PPP3CA: variants seen among roughly 807,000 people sequenced by gnomAD.
PPP3CA encodes protein phosphatase 3 catalytic subunit alpha.
PPP3CA carries 14 observed loss-of-function variants against 66.5 expected under a neutral mutation model. That is an observed-to-expected ratio of 0.21 (90% CI 0.14 to 0.33). The LOEUF (loss-of-function observed/expected upper bound fraction) is 0.33, where lower values mean the gene tolerates loss of function less well. Among genes scored for constraint, PPP3CA ranks in the 10% least tolerant of loss-of-function variants. PPP3CA has a pLI of 1.00. For synonymous variants in PPP3CA, 232 were observed against 226.2 expected, an observed-to-expected ratio of 1.03 and a Z score of -0.23; for missense variants, 317 against 639.5, an observed-to-expected ratio of 0.50 and a Z score of 5.44.
rs536066168 is a variant in PPP3CA, at chr4:101,091,186, T to C, written c.782+2590A>G. 1.2e-4 allele frequency among the ~76,000 whole-genome samples: 18 copies of C among 150,314 alleles called. No homozygotes were observed. The South Asian group carries it at 3.5e-3, about 29-fold the overall frequency. ...TGTTTGATATTATGTTACTGAAGTA[T>C]AACTCTGTGATATCAAGCAGGTAAT... On this transcript the variant is annotated intron_variant, in intron 6 of 13. Coordinates refer to ENST00000394854, the MANE Select transcript of PPP3CA (RefSeq NM_000944.5).
At chr4:101,179,145 CATCTCACTCTCATCGTAGAAA>C (rs1310824733) in intron 2 of PPP3CA, among the ~76,000 whole-genome samples, 4 of 152,010 alleles carry the variant, frequency 2.6e-5, no homozygotes, top group African/African-American at 7.2e-5. Context: ...CCCTCCATTT[CATCTCACTCTCATCGTAGAAA>C]ACAAAAGAGG....
chr4:101,093,808 G>A lies in PPP3CA; in HGVS notation c.750C>T (p.His250=), dbSNP rs1215105465. Residue 250 remains histidine (H), a synonymous_variant, in exon 6 of 14, where the codon CAC becomes CAT. Transcript: ENST00000394854. The stretch of plus-strand genomic sequence containing the variant: ...AGTATGAACACCCCCTGACTGTGTT[G>A]TGAGTGAAATGTTCCTGAGTCTTCT... ...GNEKTQEHFT[H]NTVRGCSYFY... 9 of 1,613,092 alleles carry A rather than the reference G, an allele frequency of 5.6e-6. No individual in the cohort carries two copies. The Admixed American group carries it at 1.5e-4, about 27-fold the overall frequency.
chr4:101,105,526 T>G (rs1427528346), intron 3 of PPP3CA, among the ~76,000 whole-genome samples: 2 of 149,142 alleles, frequency 1.3e-5, no homozygotes, highest in Admixed American at 6.7e-5. Context: ...GTTTAGAAAA[T>G]TTCAGGTGGT....
Position 101,061,068 on chromosome 4 carries a change from A to T in PPP3CA, c.1156+19T>A, listed in dbSNP as rs886628348. 6.3e-7 allele frequency: 1 copy of T among 1,597,262 alleles called. No homozygotes were observed. Among genetic ancestry groups the T allele is most frequent in the Non-Finnish European group, 8.6e-7 (1 of 1,165,406 alleles). On this transcript the variant is annotated intron_variant, in intron 10 of 13. Coordinates refer to ENST00000394854, the MANE Select transcript of PPP3CA (RefSeq NM_000944.5). ...ATTATCTGGCAAATAGCATTAGCAC[A>T]AAGGCTCAAGCCTCTTACCATCAAA...
intron 10 of PPP3CA, among the ~76,000 whole-genome samples, chr4:101,043,193 C>A (rs1727606256): frequency 6.6e-6 from 1 of 151,916 alleles, no homozygotes; most frequent in African/African-American, 2.4e-5. Context: ...AGAGGAGGAA[C>A]ATATAAAATC....
chr4:101,074,155 C>T lies in PPP3CA; in HGVS notation c.955+6377G>A, dbSNP rs185801564. The stretch of plus-strand genomic sequence containing the variant: ...CCATGCTTAAGACAAGCCTCAGGCT[C>T]GTAGAAATGGATCTTTGCTGTAAAA... On this transcript the variant is annotated intron_variant, in intron 8 of 13. Coordinates refer to ENST00000394854, the MANE Select transcript of PPP3CA (RefSeq NM_000944.5). 5.3e-5 allele frequency among the ~76,000 whole-genome samples: 8 copies of T among 152,274 alleles called. No homozygotes were observed. The East Asian group carries it at 1.3e-3, about 26-fold the overall frequency.
chr4:101,184,967 C>T (rs1724365214), intron 2 of PPP3CA, among the ~76,000 whole-genome samples: 1 of 151,992 alleles, frequency 6.6e-6, no homozygotes, highest in African/African-American at 2.4e-5. Context: ...CAAGAAGGAG[C>T]AGGAGGCAAA....
intron 1 of PPP3CA, among the ~76,000 whole-genome samples, chr4:101,273,505 T>G (rs1164949237): frequency 6.6e-6 from 1 of 152,160 alleles, no homozygotes; most frequent in Non-Finnish European, 1.5e-5. Flanking sequence ...TTTTGTACTA[T>G]TAGTAGAGAC....
intron 3 of PPP3CA, among the ~76,000 whole-genome samples, chr4:101,105,177 T>C (rs1264963079): frequency 2.0e-5 from 3 of 151,588 alleles, no homozygotes; most frequent in Non-Finnish European, 4.4e-5. Flanking sequence ...CCTTTTTTTT[T>C]TTTTCTTTAA....
intron 2 of PPP3CA, among the ~76,000 whole-genome samples, chr4:101,135,912 C>T (rs1722606795): frequency 6.6e-6 from 1 of 152,188 alleles, no homozygotes; most frequent in African/African-American, 2.4e-5. Flanking sequence ...AATGGCAGCA[C>T]TAGCACTAAT....
chr4:101,058,025 A>G (rs1469010048), intron 10 of PPP3CA, among the ~76,000 whole-genome samples: 1 of 152,188 alleles, frequency 6.6e-6, no homozygotes, highest in African/African-American at 2.4e-5. Flanking sequence ...ACTAAGGGAA[A>G]TACACCAACA....
At chr4:101,132,134 G>A (rs547474138) in intron 2 of PPP3CA, among the ~76,000 whole-genome samples, 27 of 152,312 alleles carry the variant, frequency 1.8e-4, no homozygotes, top group Admixed American at 1.6e-3. Context: ...AGCACTAAAT[G>A]CCCACAGGAG....
At chr4:101,249,215 A>G (rs1726594180) in intron 1 of PPP3CA, among the ~76,000 whole-genome samples, 1 of 151,988 alleles carries the variant, frequency 6.6e-6, no homozygotes, top group Non-Finnish European at 1.5e-5. Context: ...GGATTTTAAA[A>G]TGCTTTTCTA....
At chr4:101,258,416 T>C (rs1409979462) in intron 1 of PPP3CA, among the ~76,000 whole-genome samples, 1 of 152,040 alleles carries the variant, frequency 6.6e-6, no homozygotes, top group Non-Finnish European at 1.5e-5. Context: ...CACACCTGAG[T>C]CTTCTTCTTG....
At chr4:101,064,193 G>C (rs1449895576) in intron 8 of PPP3CA, among the ~76,000 whole-genome samples, 2 of 151,858 alleles carry the variant, frequency 1.3e-5, no homozygotes, top group East Asian at 1.9e-4. Flanking sequence ...TCATGTCTCT[G>C]TGAGTACTTT....
rs1560604752 is a variant in PPP3CA at position 101,106,394 on chromosome 4, AAAGAAAGAAAG to A, written c.384+2549_384+2559del. Among the ~76,000 whole-genome samples the A allele has an allele frequency of 2.3e-3, 17 of 7,418 alleles. 2 individuals carry two copies. The highest frequency in any genetic ancestry group is 7.8e-3 in the South Asian group (1 of 128). 4.9% of individuals were successfully genotyped at this position (7,418 alleles called of 152,430 possible). On this transcript the variant is annotated intron_variant, in intron 3 of 13. Coordinates refer to ENST00000394854, the MANE Select transcript of PPP3CA (RefSeq NM_000944.5). ...AGAGAAAAGAAAGAAAGAAAGAAAGAAAGAAAGAAAGAAAGAAAGAAAGAAAGAAAGAAAGA... is the reference window on the plus strand; with the variant it reads ...AGAGAAAAGAAAGAAAGAAAGAAAGAAAAGAAAGAAAGAAAGAAAGAAAGA...
intron 10 of PPP3CA, among the ~76,000 whole-genome samples, chr4:101,044,970 C>G (rs568930937): frequency 1.1e-4 from 16 of 152,294 alleles, no homozygotes; most frequent in African/African-American, 3.4e-4. Context: ...AAGTGCTTGG[C>G]TGAAGAGAGA....
intron 2 of PPP3CA, among the ~76,000 whole-genome samples, chr4:101,178,624 A>C (rs1724138569): frequency 6.6e-6 from 1 of 152,060 alleles, no homozygotes; most frequent in African/African-American, 2.4e-5. Context: ...ACCATTCTAA[A>C]TTGCATAATT....
chr4:101,055,558 A>G (rs1004467949), intron 10 of PPP3CA, among the ~76,000 whole-genome samples: 4 of 152,152 alleles, frequency 2.6e-5, no homozygotes, highest in African/African-American at 4.8e-5. Context: ...ATAGAAGACC[A>G]GAGGCCAATT....
Sources: gnomAD v4.1 joint callset for allele counts (sites outside exome capture counted in the v4.1 genomes callset) on GRCh38, gnomAD v4.1.1 for gene constraint, MANE v1.5 for transcripts, NCBI Gene and HGNC (gene_info 2026-07-23, HGNC 2026-07-21) for gene names.